Variants in DIDO1 observed in about 807,000 individuals in gnomAD.
The protein encoded by DIDO1 is death-inducer obliterator 1.
A neutral mutation model predicts 99.4 loss-of-function variants in DIDO1; 16 were observed. The ratio of observed to expected loss-of-function variants is 0.16; its 90% CI spans 0.11 to 0.24. The LOEUF is 0.24. DIDO1 is among the 10% of genes least tolerant of loss of function. The pLI is 1.00. For synonymous variants in DIDO1, 1,366 were observed against 1,239.1 expected (o/e 1.10, Z -2.15); for missense variants, 2,996 against 3,014.0 (o/e 0.99, Z 0.14).
intron 15 of DIDO1, chr20:62,890,130 C>A: frequency 1.0e-6 from 1 of 985,946 alleles, no homozygotes; most frequent in East Asian, 1.1e-4. Context: ...GGCACAGGGT[C>A]CAGACAGCAC....
At chr20:62,899,591 G>A (rs2064616567) in intron 6 of DIDO1, among the ~76,000 whole-genome samples, 1 of 152,184 alleles carries the variant, frequency 6.6e-6, no homozygotes, top group Non-Finnish European at 1.5e-5. Flanking sequence ...CCAAGAGTGG[G>A]GGCAGCAGAT....
chr20:62,903,439 AC>A (rs1312330317), intron 6 of DIDO1, among the ~76,000 whole-genome samples: 1 of 152,164 alleles, frequency 6.6e-6, no homozygotes, highest in Non-Finnish European at 1.5e-5. Context: ...ACAGACCCAC[AC>A]CAGCCTCTCA....
At chr20:62,891,275 C>T in intron 14 of DIDO1, 120 bp from the exon 15 acceptor site, 1 of 1,482,264 alleles carries the variant, frequency 6.7e-7, no homozygotes, top group South Asian at 1.3e-5. Context: ...CAGCCACGAT[C>T]TCACAGAGCT....
intron 13 of DIDO1, 80 bp downstream of exon 13, chr20:62,892,729 G>C (rs1035651733): frequency 1.7e-5 from 25 of 1,498,170 alleles, no homozygotes; most frequent in Non-Finnish European, 2.1e-5. Context: ...TGAATTAAGG[G>C]AGAAAGTCAT....
chr20:62,931,054 C>T (rs938498811), upstream of DIDO1, among the ~76,000 whole-genome samples: 3 of 152,196 alleles, frequency 2.0e-5, no homozygotes, highest in Non-Finnish European at 4.4e-5. Context: ...AACCCTCCTG[C>T]CTCACCCTCC....
rs1199412355 is a variant in DIDO1 at position 62,894,896 on chromosome 20, T to C, written c.2350A>G (p.Lys784Glu). The C allele has an allele frequency of 6.2e-6, 10 of 1,614,102 alleles. No homozygotes were observed. Among genetic ancestry groups the C allele is most frequent in the East Asian group, 2.2e-5 (1 of 44,880 alleles). Residue 784 changes from lysine (K) to glutamate (E), a missense_variant, in exon 10 of 16, where the codon AAA becomes GAA. Lys to Glu is a moderately conservative substitution (Grantham distance 56). Transcript: ENST00000395343. This position sits in a 1 kb window ranked among gnomAD's most constrained non-coding sequence, Gnocchi z 4.4. Reference sequence around the variant, plus strand: ...GTCTTCTTGCTTTCATTGTGCAGTTTAGTTCTGGACTCCATCACCTGAAAT... The same window carrying C: ...GTCTTCTTGCTTTCATTGTGCAGTTCAGTTCTGGACTCCATCACCTGAAAT... ...PARSVMESRT[K>E]LHNESKKTAP...
chr20:62,889,591 G>A (rs1358799124), intron 15 of DIDO1: 1 of 985,322 alleles, frequency 1.0e-6, no homozygotes, highest in African/African-American at 1.7e-5. Flanking sequence ...TGACCAGTGG[G>A]TCTTCACAGG....
intron 1 of DIDO1, among the ~76,000 whole-genome samples, chr20:62,935,794 C>T (rs905987782): frequency 2.0e-5 from 3 of 152,216 alleles, no homozygotes; most frequent in Admixed American, 1.3e-4. Flanking sequence ...ATCACCCTGT[C>T]TGCTATGTGA....
upstream of DIDO1, among the ~76,000 whole-genome samples, chr20:62,931,209 G>A (rs555156890): frequency 1.3e-5 from 2 of 152,152 alleles, no homozygotes; most frequent in East Asian, 1.9e-4. Context: ...CTGGGATTCC[G>A]AAGGCATGAG....
At position 62,882,104 on chromosome 20, in the gene DIDO1, G is replaced by A. The variant is rs777037587; in HGVS notation, c.3852C>T (p.Pro1284=). Residue 1284 remains proline (P), a synonymous_variant, in exon 16 of 16, where the codon CCC becomes CCT. Coordinates refer to ENST00000395343, the MANE Select transcript of DIDO1 (RefSeq NM_001193369.2). Reference sequence around the variant, plus strand: ...CTGTTGTGGCTGCTGTGGCTGGGCTGGGGGCTGCAGGTTTGAGGGATGACA... The same window carrying A: ...CTGTTGTGGCTGCTGTGGCTGGGCTAGGGGCTGCAGGTTTGAGGGATGACA... ...KVLSSLKPAA[P]SPATAATTAA... 2.5e-6 allele frequency: 4 copies of A among 1,613,078 alleles called. No homozygotes were observed. In the African/African-American group the frequency reaches 4.0e-5, roughly 16 times the overall value.
Position 62,881,615 on chromosome 20 carries a change from C to A in DIDO1, c.4341G>T (p.Arg1447Ser). 1 of 1,612,552 alleles carries A rather than the reference C, an allele frequency of 6.2e-7. No individual in the cohort carries two copies. The highest frequency in any genetic ancestry group is 1.3e-5 in the African/African-American group (1 of 75,060). ...AKVTVDDLPN[R>S]MCADVRRNSV... The stretch of plus-strand genomic sequence containing the variant: ...AGTTCCTTCTCACGTCGGCACACAT[C>A]CTGTTGGGCAGGTCATCAACAGTCA... The change falls in exon 16 of 16, where the codon AGG (arginine) becomes AGT (serine). Residue 1447 changes from arginine (R) to serine (S), a missense_variant. Coordinates refer to ENST00000395343, the MANE Select transcript of DIDO1 (RefSeq NM_001193369.2). This position sits in a 1 kb window ranked among gnomAD's most constrained non-coding sequence, Gnocchi z 8.3.
intron 1 of DIDO1, among the ~76,000 whole-genome samples, chr20:62,924,918 G>A (rs74532336): frequency 0.029 from 4,491 of 152,244 alleles, 129 homozygotes; most frequent in Non-Finnish European, 0.037. Context: ...TCCAAAACAA[G>A]AGGTATCTTA....
At chr20:62,933,661 G>C (rs543935307) in intron 1 of DIDO1, among the ~76,000 whole-genome samples, 1 of 152,186 alleles carries the variant, frequency 6.6e-6, no homozygotes, top group African/African-American at 2.4e-5. Flanking sequence ...CTTGCACGCA[G>C]AAGTTTGAGA....
intron 1 of DIDO1, among the ~76,000 whole-genome samples, chr20:62,921,477 C>G (rs2065134903): frequency 6.6e-6 from 1 of 152,110 alleles, no homozygotes; most frequent in Non-Finnish European, 1.5e-5. Flanking sequence ...TCCAGACACC[C>G]TGTCTACTCT....
intron 15 of DIDO1, chr20:62,890,224 A>T: frequency 1.0e-6 from 1 of 985,964 alleles, no homozygotes. Context: ...TGGGGACTGC[A>T]TGGCCACGGA....
At chr20:62,907,024 G>A (rs181464945) in intron 5 of DIDO1, 123 bp downstream of exon 5, 7 of 959,508 alleles carry the variant, frequency 7.3e-6, no homozygotes, top group East Asian at 2.4e-5. Flanking sequence ...AGGTCAAGGC[G>A]ACACCACGTG....
At chr20:62,884,621 A>G (rs1342329097) in intron 15 of DIDO1, among the ~76,000 whole-genome samples, 1 of 152,164 alleles carries the variant, frequency 6.6e-6, no homozygotes, top group Non-Finnish European at 1.5e-5. Context: ...CCTAAATTCC[A>G]CTAAGGAACT....
At position 62,911,172 on chromosome 20, in the gene DIDO1, G is replaced by C. The variant is rs752197720; in HGVS notation, c.441C>G (p.Asp147Glu). 6.2e-7 allele frequency: 1 copy of C among 1,614,046 alleles called. No homozygotes were observed. The highest frequency in any genetic ancestry group is 8.5e-7 in the Non-Finnish European group (1 of 1,180,036). ...ASSEKVKGGD[D>E]HDDTSDSDSD... ...TGTCACTATCGGAGGTGTCATCGTG[G>C]TCATCCCCTCCTTTCACCTTTTCAG... Residue 147 changes from aspartate (D) to glutamate (E), a missense_variant, in exon 3 of 16, where the codon GAC (aspartate) becomes GAG (glutamate). Physicochemically the swap from Asp to Glu is conservative, Grantham distance 45. Coordinates refer to ENST00000395343, the MANE Select transcript of DIDO1 (RefSeq NM_001193369.2). This position sits in a 1 kb window ranked among gnomAD's most constrained non-coding sequence, Gnocchi z 7.0.
chr20:62,903,734 C>G (rs3746761), intron 6 of DIDO1, among the ~76,000 whole-genome samples: 1 of 152,228 alleles, frequency 6.6e-6, no homozygotes, highest in Admixed American at 6.5e-5. Flanking sequence ...CCATCCTATA[C>G]AAATTCTGGA....
Sources: gnomAD v4.1 joint callset for allele counts (sites outside exome capture counted in the v4.1 genomes callset) on GRCh38, gnomAD v4.1.1 for gene constraint, Gnocchi (gnomAD v3.1) non-coding constraint, MANE v1.5 for transcripts, NCBI Gene and HGNC (gene_info 2026-07-23, HGNC 2026-07-21) for gene names.